The following SH2B3 variants were observed in gnomAD, a reference collection of about 807,000 sequenced individuals.
SH2B3 encodes SH2B adaptor protein 3.
A neutral mutation model predicts 51.9 loss-of-function variants in SH2B3; 43 were observed. The ratio of observed to expected loss-of-function variants is 0.83; its 90% CI spans 0.65 to 1.07. The LOEUF (loss-of-function observed/expected upper bound fraction) is 1.07, where lower values mean the gene tolerates loss of function less well. Among genes scored for constraint, SH2B3 ranks in the 50% least tolerant of loss-of-function variants. The pLI is 0.00. For missense variants in SH2B3, 952 were observed against 834.3 expected, an observed-to-expected ratio of 1.14 and a Z score of -1.74; for synonymous variants, 396 against 376.0, an observed-to-expected ratio of 1.05 and a Z score of -0.62.
At chr12:111,417,992 A>C in intron 1 of SH2B3, 127 bp from the exon 2 acceptor site, 1 of 672,106 alleles carries the variant, frequency 1.5e-6, no homozygotes. Flanking sequence ...GTTTCCCTGC[A>C]TCTTCACCAG....
chr12:111,418,803 G>T lies in SH2B3; in HGVS notation c.658G>T (p.Gly220Trp). ...SMDSGARWQR[G>W]RLALRRAPGP... is the part of the protein sequence containing the mutation. ...GGACAGCGGGGCACGCTGGCAGCGC[G>T]GGAGGCTGGCGCTGCGCCGGGCCCC... Residue 220 changes from glycine (G) to tryptophan (W), a missense_variant, in exon 2 of 8, where the codon GGG becomes TGG. Coordinates refer to ENST00000341259, the MANE Select transcript of SH2B3 (RefSeq NM_005475.3). This position sits in a 1 kb window ranked among gnomAD's most constrained non-coding sequence, Gnocchi z 6.7. 6.9e-7 allele frequency: 1 copy of T among 1,446,476 alleles called. No homozygotes were observed. The highest frequency in any genetic ancestry group is 9.0e-7 in the Non-Finnish European group (1 of 1,110,984). The allele number at this position is 1,446,476 out of a possible 1,614,324, so 89.6% of individuals were successfully genotyped here. A position where few individuals can be genotyped will look rare whatever the true frequency, so the allele number is the denominator to read the frequency against.
intron 2 of SH2B3, among the ~76,000 whole-genome samples, chr12:111,433,154 C>T (rs7970803): frequency 0.035 from 5,317 of 152,286 alleles, 333 homozygotes; most frequent in African/African-American, 0.12. Context: ...GAGTTTGAGA[C>T]CAGCCTGGCC....
At chr12:111,446,298 G>T (rs532029675) in intron 2 of SH2B3, among the ~76,000 whole-genome samples, 1 of 152,186 alleles carries the variant, frequency 6.6e-6, no homozygotes, top group Non-Finnish European at 1.5e-5. Context: ...CCTATGTGCC[G>T]GGTGTCCTGG....
rs565338775 is a variant in SH2B3 at position 111,428,069 on chromosome 12, GCCCTGCATGGGTGGGGGC to G, written c.732+9193_732+9210del. 7.2e-5 allele frequency among the ~76,000 whole-genome samples: 11 copies of G among 152,352 alleles called. No individual in the cohort carries two copies. The South Asian group carries it at 2.3e-3, about 32-fold the overall frequency. ...ATTATTGATGGCACTGTTAACTAGGGCCCTGCATGGGTGGGGGCACCTGTTTTGGGCTCTTGGACTAGG... is the reference window on the plus strand; with the variant it reads ...ATTATTGATGGCACTGTTAACTAGGGACCTGTTTTGGGCTCTTGGACTAGG... On this transcript the variant is annotated intron_variant, in intron 2 of 7. Coordinates refer to ENST00000341259, the MANE Select transcript of SH2B3 (RefSeq NM_005475.3).
intron 1 of SH2B3, among the ~76,000 whole-genome samples, chr12:111,411,808 G>A (rs1406829669): frequency 6.6e-6 from 1 of 152,152 alleles, no homozygotes; most frequent in Non-Finnish European, 1.5e-5. Flanking sequence ...ATTGGGGGTG[G>A]GGGACAAGGA....
Position 111,418,886 on chromosome 12 carries a change from G to T in SH2B3, c.732+9G>T. On this transcript the variant is annotated intron_variant, in intron 2 of 7. Coordinates refer to ENST00000341259, the MANE Select transcript of SH2B3 (RefSeq NM_005475.3). This position sits in a 1 kb window ranked among gnomAD's most constrained non-coding sequence, Gnocchi z 6.7. ...TCTTCGACCCACCCAAGGTAAGTAA[G>T]CCCTGCCCGCGGGGTTGCGCACTGC... 7.2e-7 allele frequency: 1 copy of T among 1,397,636 alleles called. No homozygotes were observed. Among genetic ancestry groups the T allele is most frequent in the Non-Finnish European group, 9.2e-7 (1 of 1,088,712 alleles). 86.6% of individuals were successfully genotyped at this position (1,397,636 alleles called of 1,614,324 possible). A position where few individuals can be genotyped will look rare whatever the true frequency, so the allele number is the denominator to read the frequency against.
At position 111,420,333 on chromosome 12, in the gene SH2B3, A is replaced by G. The variant is rs912309870; in HGVS notation, c.732+1456A>G. Among the ~76,000 whole-genome samples the G allele has an allele frequency of 1.1e-4, 16 of 146,808 alleles. No individual in the cohort carries two copies. The Admixed American group carries it at 1.1e-3, about 10-fold the overall frequency. On this transcript the variant is annotated intron_variant, in intron 2 of 7. Coordinates refer to ENST00000341259, the MANE Select transcript of SH2B3 (RefSeq NM_005475.3). ...CAGTAAGCCAAGATCGCACCACAGC[A>G]CTACAGCCTGGGTGACAGAGCGAGA...
chr12:111,425,631 A>G (rs970902604), intron 2 of SH2B3, among the ~76,000 whole-genome samples: 9 of 152,144 alleles, frequency 5.9e-5, no homozygotes, highest in African/African-American at 1.9e-4. Context: ...TAGGTTTTAC[A>G]TTAAGAGCAG....
At chr12:111,422,710 G>A (rs113892435) in intron 2 of SH2B3, among the ~76,000 whole-genome samples, 3,757 of 152,186 alleles carry the variant, frequency 0.025, 167 homozygotes, top group African/African-American at 0.085. Flanking sequence ...ACAGGCGCAT[G>A]CTACCACGCC....
chr12:111,427,006 A>G (rs1444431919), intron 2 of SH2B3, among the ~76,000 whole-genome samples: 1 of 152,118 alleles, frequency 6.6e-6, no homozygotes, highest in Non-Finnish European at 1.5e-5. Flanking sequence ...TGGCAGTTAC[A>G]AGAAAAGGAA....
intron 7 of SH2B3, 35 bp from the exon 8 acceptor site, chr12:111,447,948 C>T (rs1874197845): frequency 6.4e-7 from 1 of 1,564,986 alleles, no homozygotes; most frequent in Non-Finnish European, 8.7e-7. Context: ...TGCCTCAAGA[C>T]TGATGGTGTG....
chr12:111,430,947 AT>A (rs1872430362), intron 2 of SH2B3, among the ~76,000 whole-genome samples: 4 of 146,808 alleles, frequency 2.7e-5, no homozygotes, highest in Admixed American at 2.7e-4. Context: ...GCTGCTGGAA[AT>A]CCCCCACCCA....
chr12:111,406,788 C>T lies in SH2B3; in HGVS notation c.-28+511C>T, dbSNP rs1049495227. Among the ~76,000 whole-genome samples the T allele has an allele frequency of 6.6e-6, 1 of 152,250 alleles. No individual in the cohort carries two copies. The highest frequency in any genetic ancestry group is 1.5e-5 in the Non-Finnish European group (1 of 68,036). On this transcript the variant is annotated intron_variant, in intron 1 of 7. Coordinates refer to ENST00000341259, the MANE Select transcript of SH2B3 (RefSeq NM_005475.3). The surrounding 1 kb of genome is among the most constrained non-coding windows in gnomAD (Gnocchi z 5.7). ...AGGGTAGCGCCCTGATTCAGGAAGC[C>T]CCTCTCCCCAGTTCCTGCACTGCCG...
intron 2 of SH2B3, chr12:111,444,773 G>C: frequency 1.0e-6 from 1 of 985,666 alleles, no homozygotes; most frequent in Non-Finnish European, 1.2e-6. Flanking sequence ...CTGAGGTTTC[G>C]ACTGAAGCAG....
intron 2 of SH2B3, among the ~76,000 whole-genome samples, chr12:111,427,287 G>A (rs1039610706): frequency 2.0e-5 from 3 of 151,122 alleles, no homozygotes; most frequent in Non-Finnish European, 4.4e-5. Flanking sequence ...TCGGGAGGCT[G>A]AGGCAGGAGA....
In SH2B3 at chr12:111,429,496, T is replaced by TAGCG. The variant is rs1394399112; in HGVS notation, c.732+10620_732+10621insGCGA. Among the ~76,000 whole-genome samples, 1 of 152,132 alleles carries TAGCG rather than the reference T, an allele frequency of 6.6e-6. No individual in the cohort carries two copies. The highest frequency in any genetic ancestry group is 1.5e-5 in the Non-Finnish European group (1 of 68,026). On this transcript the variant is annotated intron_variant, in intron 2 of 7. Transcript: ENST00000341259. The surrounding 1 kb of genome is among the most constrained non-coding windows in gnomAD (Gnocchi z 4.4). Reference sequence around the variant, plus strand: ...ACAGGCGCCCACCACCACACTCCGCTAATTTTTCTGTATTATTAGTAGAGA... The same window carrying TAGCG: ...ACAGGCGCCCACCACCACACTCCGCTAGCGAATTTTTCTGTATTATTAGTAGAGA...
At chr12:111,439,721 G>T (rs1010278713) in intron 2 of SH2B3, among the ~76,000 whole-genome samples, 2 of 152,202 alleles carry the variant, frequency 1.3e-5, no homozygotes, top group Non-Finnish European at 2.9e-5. Context: ...AGGAGGGTAG[G>T]CTGGAGCAGC....
At chr12:111,425,153 G>A (rs1871891488) in intron 2 of SH2B3, among the ~76,000 whole-genome samples, 1 of 152,140 alleles carries the variant, frequency 6.6e-6, no homozygotes, top group African/African-American at 2.4e-5. Context: ...CTGTGGAGCA[G>A]GGTGATGGTG....
At chr12:111,405,590 G>A (rs982922780), upstream of SH2B3, among the ~76,000 whole-genome samples, 13 of 152,134 alleles carry the variant, frequency 8.5e-5, no homozygotes, top group Admixed American at 5.2e-4. The surrounding 1 kb of genome is among the most constrained non-coding windows in gnomAD (Gnocchi z 5.4). Flanking sequence ...GCGTTGAGTG[G>A]GTGGGGCTAA....
Sources: gnomAD v4.1 joint callset for allele counts (sites outside exome capture counted in the v4.1 genomes callset) on GRCh38, gnomAD v4.1.1 for gene constraint, Gnocchi (gnomAD v3.1) non-coding constraint, MANE v1.5 for transcripts, NCBI Gene and HGNC (gene_info 2026-07-23, HGNC 2026-07-21) for gene names.